ELAPOR2: variants seen among roughly 807,000 people sequenced by gnomAD.
ELAPOR2 encodes the protein endosome-lysosome associated apoptosis and autophagy regulator family member 2, also known as endosome/lysosome-associated apoptosis and autophagy regulator family member 2.
A neutral mutation model predicts 120.7 loss-of-function variants in ELAPOR2; 89 were observed. The ratio of observed to expected loss-of-function variants is 0.74; its 90% CI spans 0.62 to 0.88. The LOEUF is 0.88. Among genes scored for constraint, ELAPOR2 ranks in the 40% least tolerant of loss-of-function variants. The probability of loss-of-function intolerance (pLI) is 0.00; values close to 1 mark genes in which losing one functional copy is unlikely to be tolerated. For missense variants in ELAPOR2, 1,134 were observed against 1,251.6 expected (o/e 0.91, Z 1.42); for synonymous variants, 444 against 444.9 (o/e 1.00, Z 0.03).
At chr7:86,956,637 C>A (rs1392388099) in intron 2 of ELAPOR2, among the ~76,000 whole-genome samples, 2 of 152,130 alleles carry the variant, frequency 1.3e-5, no homozygotes, top group South Asian at 2.1e-4. Context: ...AAGTTCATAT[C>A]TTTTTATAAG....
intron 18 of ELAPOR2, 52 bp from the exon 19 acceptor site, chr7:86,897,684 T>C (rs375905517): frequency 6.2e-6 from 10 of 1,604,050 alleles, no homozygotes; most frequent in Admixed American, 1.7e-5. Flanking sequence ...TTTTAACCCA[T>C]TCAATCCACT....
chr7:86,965,959 C>T lies in ELAPOR2; in HGVS notation c.190-935G>A, dbSNP rs1340911134. On this transcript the variant is annotated intron_variant, in intron 1 of 21. Transcript: ENST00000450689. ...GGAATGAGAAGGCCATTGTCTTTGA[C>T]CTTCTCTGCATAGCACACTTTGCTA... 4.1e-6 allele frequency: 4 copies of T among 985,212 alleles called. No individual in the cohort carries two copies. In the African/African-American group the frequency reaches 7.0e-5, roughly 17 times the overall value. 61.0% of individuals were successfully genotyped at this position (985,212 alleles called of 1,614,324 possible).
chr7:86,928,684 G>A (rs1790189365), intron 8 of ELAPOR2, among the ~76,000 whole-genome samples: 1 of 151,854 alleles, frequency 6.6e-6, no homozygotes, highest in Admixed American at 6.6e-5. Context: ...AGTTTGGTAA[G>A]GGTAAAAATA....
intron 1 of ELAPOR2, among the ~76,000 whole-genome samples, chr7:87,024,988 A>G (rs1794195903): frequency 8.9e-6 from 1 of 111,740 alleles, no homozygotes; most frequent in South Asian, 2.9e-4. Flanking sequence ...TTTCCTACAG[A>G]AAAAAAAAAA....
intron 1 of ELAPOR2, among the ~76,000 whole-genome samples, chr7:87,040,127 C>T (rs922164513): frequency 5.1e-4 from 77 of 152,338 alleles, no homozygotes; most frequent in Non-Finnish European, 8.7e-4. Context: ...CCTACGCCCA[C>T]GGAGTCTCGC....
chr7:86,942,756 C>A (rs760656463), intron 4 of ELAPOR2, among the ~76,000 whole-genome samples: 18 of 152,028 alleles, frequency 1.2e-4, no homozygotes, highest in South Asian at 2.1e-4. Context: ...TGGGACACTA[C>A]TTTTCCAGGT....
intron 1 of ELAPOR2, among the ~76,000 whole-genome samples, chr7:87,003,939 C>T (rs1032439600): frequency 1.3e-5 from 2 of 152,152 alleles, no homozygotes; most frequent in Admixed American, 1.3e-4. Flanking sequence ...AAGCACTTCG[C>T]TTAGCTGCTG....
intron 21 of ELAPOR2, among the ~76,000 whole-genome samples, chr7:86,886,289 A>G (rs1163778126): frequency 6.6e-6 from 1 of 152,134 alleles, no homozygotes; most frequent in Non-Finnish European, 1.5e-5. Context: ...TGAGTATTCT[A>G]CTTGTTCTTT....
At chr7:86,881,450 G>C (rs1324166216) in intron 21 of ELAPOR2, among the ~76,000 whole-genome samples, 1 of 151,320 alleles carries the variant, frequency 6.6e-6, no homozygotes, top group Non-Finnish European at 1.5e-5. Context: ...TCTGCCTCCT[G>C]GGTTCAACCA....
intron 1 of ELAPOR2, among the ~76,000 whole-genome samples, chr7:87,023,296 T>C (rs1584006185): frequency 6.6e-6 from 1 of 152,366 alleles, no homozygotes; most frequent in South Asian, 2.1e-4. Context: ...TAGCCAGTTT[T>C]CCCAGCACCA....
intron 8 of ELAPOR2, among the ~76,000 whole-genome samples, chr7:86,931,438 C>A (rs1191433695): frequency 6.6e-6 from 1 of 151,820 alleles, no homozygotes; most frequent in Non-Finnish European, 1.5e-5. Context: ...GATTTTCCAT[C>A]CTTTGCTGTC....
At chr7:86,891,175 T>C (rs968569733) in intron 21 of ELAPOR2, 3 of 150,820 alleles carry the variant, frequency 2.0e-5, no homozygotes, top group Non-Finnish European at 4.5e-5. Flanking sequence ...AATCTTGTCA[T>C]AAAAAAGGAA....
intron 10 of ELAPOR2, among the ~76,000 whole-genome samples, chr7:86,920,560 G>A (rs1184648859): frequency 6.6e-6 from 1 of 152,108 alleles, no homozygotes; most frequent in Admixed American, 6.6e-5. Flanking sequence ...GCAGGGAAGG[G>A]CAAAGAAAAG....
At chr7:87,004,834 T>C (rs1245520613) in intron 1 of ELAPOR2, among the ~76,000 whole-genome samples, 1 of 152,108 alleles carries the variant, frequency 6.6e-6, no homozygotes, top group Non-Finnish European at 1.5e-5. Context: ...TCTACAACTT[T>C]AAGTATCTTT....
intron 1 of ELAPOR2, among the ~76,000 whole-genome samples, chr7:87,029,708 G>A (rs1034883784): frequency 2.6e-5 from 4 of 152,108 alleles, no homozygotes; most frequent in African/African-American, 7.2e-5. Flanking sequence ...TTATTCAAAT[G>A]GTTTATAATA....
chr7:86,890,331 G>T (rs976486925), intron 21 of ELAPOR2, among the ~76,000 whole-genome samples: 1 of 151,826 alleles, frequency 6.6e-6, no homozygotes, highest in African/African-American at 2.4e-5. Flanking sequence ...TACAGTCTTG[G>T]AAATAGTGTC....
intron 12 of ELAPOR2, among the ~76,000 whole-genome samples, chr7:86,915,826 T>G (rs970354108): frequency 6.6e-6 from 1 of 151,458 alleles, no homozygotes; most frequent in African/African-American, 2.4e-5. Flanking sequence ...ACACCACAGA[T>G]AGGAATAACA....
At chr7:86,908,299 G>A (rs1290470763) in intron 17 of ELAPOR2, 148 bp downstream of exon 17, 1 of 549,244 alleles carries the variant, frequency 1.8e-6, no homozygotes, top group East Asian at 3.4e-5. Flanking sequence ...GAATGCTCAG[G>A]TGACATAGTT....
At chr7:86,997,253 T>C (rs1793156600) in intron 1 of ELAPOR2, among the ~76,000 whole-genome samples, 1 of 152,190 alleles carries the variant, frequency 6.6e-6, no homozygotes, top group African/African-American at 2.4e-5. Context: ...ATATTCTCCC[T>C]GCTGAATGGA....
Sources: allele counts gnomAD v4.1 joint callset (sites outside exome capture counted in the v4.1 genomes callset), GRCh38; gene constraint gnomAD v4.1.1; transcripts MANE v1.5; gene names NCBI Gene and HGNC (gene_info 2026-07-23, HGNC 2026-07-21).